SH2D7: variants seen among roughly 807,000 people sequenced by gnomAD.
SH2D7 encodes SH2 domain containing 7.
SH2D7 carries 32 observed loss-of-function variants against 40.8 expected under a neutral mutation model. The observed-to-expected ratio is 0.78, with a 90% CI of 0.59 to 1.05. SH2D7 has a LOEUF of 1.05. Ranked by LOEUF, SH2D7 falls within the 50% of genes least tolerant of loss-of-function variation. The pLI, the probability that SH2D7 is intolerant of heterozygous loss-of-function variation, is 0.00. For synonymous variants in SH2D7, 195 were observed against 221.5 expected (o/e 0.88, Z 1.06); for missense variants, 559 against 566.6 (o/e 0.99, Z 0.14).
intron 2 of SH2D7, among the ~76,000 whole-genome samples, chr15:78,096,178 A>G (rs556370454): frequency 6.6e-6 from 1 of 152,276 alleles, no homozygotes; most frequent in South Asian, 2.1e-4. Context: ...ATAAAGAGAT[A>G]TTATTAAGAG....
chr15:78,098,158 T>A (rs1008228152), intron 3 of SH2D7, 64 bp downstream of exon 3: 2 of 1,508,278 alleles, frequency 1.3e-6, no homozygotes, highest in Admixed American at 4.5e-5. Context: ...GGGGTATCCA[T>A]CACTCAGACA....
At chr15:78,101,634 C>A in intron 5 of SH2D7, 76 bp downstream of exon 5, 2 of 1,454,560 alleles carry the variant, frequency 1.4e-6, no homozygotes, top group East Asian at 4.7e-5. Context: ...CTGAAGCCCC[C>A]AGGCATAGGC....
At chr15:78,094,089 C>T in intron 1 of SH2D7, 23 bp from the exon 2 acceptor site, 1 of 1,589,740 alleles carries the variant, frequency 6.3e-7, no homozygotes, top group Middle Eastern at 1.7e-4. Flanking sequence ...CAGACCCCAG[C>T]TAATGGCATG....
In SH2D7 at chr15:78,101,283, C is replaced by G; in HGVS notation, c.1030C>G (p.Gln344Glu). Residue 344 changes from glutamine to glutamate, a missense_variant, in exon 5 of 6, where the codon CAG becomes GAG. By Grantham distance (29) the Gln-to-Glu change is conservative. Coordinates refer to ENST00000328828, the MANE Select transcript of SH2D7 (RefSeq NM_001101404.2). Reference sequence around the variant, plus strand: ...GAGCCAAGAGGCTCAGCCCTGCTCCCAGGGCAGCTCTGCAGATATCTATGA... The same window carrying G: ...GAGCCAAGAGGCTCAGCCCTGCTCCGAGGGCAGCTCTGCAGATATCTATGA... ...KLSQEAQPCS[Q>E]GSSADIYEFI... 3.1e-6 allele frequency: 5 copies of G among 1,612,422 alleles called. No homozygotes were observed. Among genetic ancestry groups the G allele is most frequent in the Non-Finnish European group, 4.2e-6 (5 of 1,179,300 alleles).
chr15:78,091,056 T>TCTTTTTAGATACAGGGGCTCACTATGTTG (rs2073938039), upstream of SH2D7: 1 of 152,212 alleles, frequency 6.6e-6, no homozygotes, highest in African/African-American at 2.4e-5. Context: ...TCTGCCTTTT[T>TCTTTTTAGATACAGGGGCTCACTATGTTG]CTTTTTAGAT....
intron 2 of SH2D7, among the ~76,000 whole-genome samples, chr15:78,096,042 C>T (rs2073970258): frequency 6.6e-6 from 1 of 151,984 alleles, no homozygotes; most frequent in Non-Finnish European, 1.5e-5. Flanking sequence ...GGGGTTTCAC[C>T]ATATTGGTCA....
chr15:78,095,463 A>G (rs183853210), intron 2 of SH2D7, among the ~76,000 whole-genome samples: 163 of 152,372 alleles, frequency 1.1e-3, no homozygotes, highest in African/African-American at 3.6e-3. Context: ...TAGAAAAATT[A>G]ACAGAATAGA....
chr15:78,099,579 G>A (rs565383399), intron 4 of SH2D7, among the ~76,000 whole-genome samples: 32 of 150,720 alleles, frequency 2.1e-4, no homozygotes, highest in Non-Finnish European at 4.1e-4. Flanking sequence ...CGCCTACCTC[G>A]GCCTCCCAAA....
At chr15:78,092,343 G>A (rs1318255438), upstream of SH2D7, among the ~76,000 whole-genome samples, 1 of 152,160 alleles carries the variant, frequency 6.6e-6, no homozygotes, top group African/African-American at 2.4e-5. Context: ...GCCACGGAGG[G>A]CCTTCCCTAC....
rs556469470 is a variant in SH2D7 at position 78,101,495 on chromosome 15, G to A, written c.1242G>A (p.Glu414=). 1.9e-6 allele frequency: 3 copies of A among 1,613,480 alleles called. No individual in the cohort carries two copies. The highest frequency in any genetic ancestry group is 2.7e-5 in the African/African-American group (2 of 75,016). ...KRISGTPELS[E]PGNTYEQIPA... is the part of the protein sequence containing the mutation. ...TCTCAGGGACCCCAGAGCTCTCAGA[G>A]CCTGGGAACACCTATGAACAGATCC... is the stretch of plus-strand genomic sequence containing the variant. Residue 414 remains glutamate, a synonymous_variant, in exon 5 of 6, where the codon GAG becomes GAA. Coordinates refer to ENST00000328828, the MANE Select transcript of SH2D7 (RefSeq NM_001101404.2).
Position 78,097,932 on chromosome 15 carries a change from C to T in SH2D7, c.270C>T (p.Gly90=). Residue 90 remains glycine (G), a synonymous_variant, in exon 3 of 6, where the codon GGC becomes GGT. Coordinates refer to ENST00000328828, the MANE Select transcript of SH2D7 (RefSeq NM_001101404.2). ...ACCACAAGCACTTGTGTTGCAGGGG[C>T]AGTGATCGCTGCCGACATTTTGTCA... The part of the protein sequence containing the change: ...RATGYILSYR[G]SDRCRHFVIN... 1.2e-6 allele frequency: 2 copies of T among 1,613,366 alleles called. No individual in the cohort carries two copies. Among genetic ancestry groups the T allele is most frequent in the Non-Finnish European group, 8.5e-7 (1 of 1,179,512 alleles).
Position 78,101,026 on chromosome 15 carries a change from C to T in SH2D7, c.773C>T (p.Thr258Ile). 2 of 1,612,672 alleles carry T rather than the reference C, an allele frequency of 1.2e-6. No homozygotes were observed. Among genetic ancestry groups the T allele is most frequent in the Non-Finnish European group, 1.7e-6 (2 of 1,179,308 alleles). ...AACCAGGCACGGCTAGGCTTGGGCA[C>T]AGAGGGGTCCGGCAGGCATGGGCCA... ...RMNQARLGLG[T>I]EGSGRHGPVP... Residue 258 changes from threonine to isoleucine, a missense_variant, in exon 5 of 6, where the codon ACA becomes ATA. Physicochemically the swap from Thr to Ile is moderately conservative, Grantham distance 89. Coordinates refer to ENST00000328828, the MANE Select transcript of SH2D7 (RefSeq NM_001101404.2).
At position 78,092,686 on chromosome 15, in the gene SH2D7, C is replaced by A; in HGVS notation, c.102C>A (p.Phe34Leu). Residue 34 changes from phenylalanine (F) to leucine (L), a missense_variant, in exon 1 of 6, where the codon TTC becomes TTA. By Grantham distance (22) the Phe-to-Leu change is conservative (BLOSUM62 0). Transcript: ENST00000328828. Reference protein sequence around the residue: ...AELQELALKWFMETQAPFILQ... With the variant: ...AELQELALKWLMETQAPFILQ... ...TCCAGGAGCTTGCCCTGAAGTGGTT[C>A]ATGGAGACACAGGCCCCCTTCATTC... 1 of 1,591,890 alleles carries A rather than the reference C, an allele frequency of 6.3e-7. No homozygotes were observed. The highest frequency in any genetic ancestry group is 1.1e-5 in the South Asian group (1 of 87,126).
intron 5 of SH2D7, among the ~76,000 whole-genome samples, chr15:78,102,755 G>A (rs1290580081): frequency 6.6e-6 from 1 of 151,894 alleles, no homozygotes; most frequent in Non-Finnish European, 1.5e-5. Context: ...CTGGTTCAGG[G>A]TTCTCAGGGA....
At chr15:78,098,679 C>T in intron 4 of SH2D7, 83 bp downstream of exon 4, 1 of 1,455,838 alleles carries the variant, frequency 6.9e-7, no homozygotes, top group Non-Finnish European at 9.3e-7. Flanking sequence ...ACCCTGAGGC[C>T]AGGCCAGCCA....
chr15:78,098,112 C>A lies in SH2D7; in HGVS notation c.432+18C>A. On this transcript the variant is annotated intron_variant, in intron 3 of 5. Transcript: ENST00000328828. Reference sequence around the variant, plus strand: ...GCCCCCGGGTAGGCGCCCCACTTCCCCAGGGTGAGGGTGGCAGGGCAGAGA... The same window carrying A: ...GCCCCCGGGTAGGCGCCCCACTTCCACAGGGTGAGGGTGGCAGGGCAGAGA... 1 of 1,594,580 alleles carries A rather than the reference C, an allele frequency of 6.3e-7. No homozygotes were observed. The highest frequency in any genetic ancestry group is 8.5e-7 in the Non-Finnish European group (1 of 1,169,942).
At chr15:78,092,533 A>T, upstream of SH2D7, 1 of 1,514,400 alleles carries the variant, frequency 6.6e-7, no homozygotes, top group East Asian at 2.5e-5. Flanking sequence ...ACACGCAGAT[A>T]TAGAGGCATG....
At chr15:78,098,730 G>C (rs931390738) in intron 4 of SH2D7, 134 bp downstream of exon 4, 10 of 1,069,272 alleles carry the variant, frequency 9.4e-6, no homozygotes, top group African/African-American at 1.6e-5. Flanking sequence ...CCAGAGGTGC[G>C]GACCCAGCTT....
upstream of SH2D7, among the ~76,000 whole-genome samples, chr15:78,090,872 G>A (rs1350646234): frequency 6.6e-6 from 1 of 152,036 alleles, no homozygotes; most frequent in East Asian, 1.9e-4. Context: ...ATAGAAAAAT[G>A]CATGAACCAT....
Sources: allele counts gnomAD v4.1 joint callset (sites outside exome capture counted in the v4.1 genomes callset), GRCh38; gene constraint gnomAD v4.1.1; transcripts MANE v1.5; gene names NCBI Gene and HGNC (gene_info 2026-07-23, HGNC 2026-07-21).